The following TBCD variants were observed in gnomAD, a reference collection of about 807,000 sequenced individuals.
TBCD encodes tubulin-specific chaperone D.
Under a neutral mutation model 169.3 loss-of-function variants are expected in TBCD, and 105 were observed. The observed-to-expected ratio is 0.62, with a 90% CI of 0.53 to 0.73. The LOEUF is 0.73. Ranked by LOEUF, TBCD falls within the 30% of genes least tolerant of loss-of-function variation. The pLI is 0.00. For synonymous variants in TBCD, 700 were observed against 643.9 expected (o/e 1.09, Z -1.32); for missense variants, 1,444 against 1,600.1 (o/e 0.90, Z 1.66).
chr17:82,830,036 T>A, intron 13 of TBCD: 1 of 1,541,776 alleles, frequency 6.5e-7, no homozygotes, highest in Non-Finnish European at 8.8e-7. Flanking sequence ...AAGCAGCAGC[T>A]GCATTTGTAA....
intron 13 of TBCD, among the ~76,000 whole-genome samples, chr17:82,850,515 CTGT>C (rs1474580072): frequency 3.2e-5 from 3 of 93,772 alleles, no homozygotes; most frequent in African/African-American, 1.0e-4. Context: ...GTTGGCTGTG[CTGT>C]TGTTGGCTGT....
chr17:82,772,775 G>T (rs577631362), intron 6 of TBCD, among the ~76,000 whole-genome samples: 39 of 152,288 alleles, frequency 2.6e-4, no homozygotes, highest in African/African-American at 7.7e-4. Context: ...TGGAAGAGGC[G>T]TGGCTGTCAT....
intron 5 of TBCD, among the ~76,000 whole-genome samples, chr17:82,771,222 C>A (rs1342620599): frequency 6.6e-6 from 1 of 152,016 alleles, no homozygotes; most frequent in East Asian, 1.9e-4. Context: ...GCCTGTAATT[C>A]CAGCACTTTG....
In TBCD at chr17:82,768,585, A is replaced by G. The variant is rs1385464909; in HGVS notation, c.582+19A>G. ...AGCAGAGGTAAATATCATGCAGATA[A>G]TTAGCTGCTAATTAGTACTCACTTT... On this transcript the variant is annotated intron_variant, in intron 5 of 38. Transcript: ENST00000355528. The G allele has an allele frequency of 6.2e-7, 1 of 1,612,020 alleles. No homozygotes were observed. Among genetic ancestry groups the G allele is most frequent in the African/African-American group, 1.3e-5 (1 of 75,038 alleles).
rs540775606 is a variant in TBCD, at chr17:82,874,184, G to A, written c.1475+3804G>A. On this transcript the variant is annotated intron_variant, in intron 14 of 38. Coordinates refer to ENST00000355528, the MANE Select transcript of TBCD (RefSeq NM_005993.5). This position sits in a 1 kb window ranked among gnomAD's most constrained non-coding sequence, Gnocchi z 5.0. Reference sequence around the variant, plus strand: ...TGGGGTTGGGGTGAGTGTGACTTCTGTCTGGGGCATGTTGGGTGGGCGTGC... The same window carrying A: ...TGGGGTTGGGGTGAGTGTGACTTCTATCTGGGGCATGTTGGGTGGGCGTGC... Among the ~76,000 whole-genome samples the A allele has an allele frequency of 7.2e-5, 11 of 152,264 alleles. No homozygotes were observed. The highest frequency in any genetic ancestry group is 5.2e-4 in the Admixed American group (8 of 15,300).
At chr17:82,802,956 C>T (rs1020442774) in intron 9 of TBCD, among the ~76,000 whole-genome samples, 12 of 152,270 alleles carry the variant, frequency 7.9e-5, no homozygotes, top group Non-Finnish European at 8.8e-5. Flanking sequence ...ACATACACTT[C>T]ACGTAATTCT....
At chr17:82,799,629 A>G (rs527526328) in intron 8 of TBCD, among the ~76,000 whole-genome samples, 2 of 152,306 alleles carry the variant, frequency 1.3e-5, no homozygotes, top group African/African-American at 4.8e-5. Context: ...TGCACCGCAC[A>G]GGAGGGACAC....
chr17:82,929,359 C>G lies in TBCD; in HGVS notation c.2853-3C>G. 1 of 1,612,246 alleles carries G rather than the reference C, an allele frequency of 6.2e-7. No homozygotes were observed. The highest frequency in any genetic ancestry group is 8.5e-7 in the Non-Finnish European group (1 of 1,178,916). ...CGGCCTTGTCTCACTCACTCTCTTG[C>G]AGGTCCGATGTGGCCTCCGTGAACT... is the stretch of plus-strand genomic sequence containing the variant. On this transcript the variant is annotated splice_polypyrimidine_tract_variant and splice_region_variant and intron_variant, in intron 31 of 38. Transcript: ENST00000355528.
intron 13 of TBCD, among the ~76,000 whole-genome samples, chr17:82,857,199 T>C (rs1288984046): frequency 2.0e-5 from 3 of 152,250 alleles, no homozygotes; most frequent in Non-Finnish European, 4.4e-5. Flanking sequence ...TTTGAATTTT[T>C]CTTAATGACG....
intron 23 of TBCD, among the ~76,000 whole-genome samples, chr17:82,917,243 C>T (rs1300368613): frequency 6.6e-6 from 1 of 152,106 alleles, no homozygotes; most frequent in African/African-American, 2.4e-5. Context: ...TGGTCTCGAT[C>T]TCTTGACCTT....
At chr17:82,899,508 G>T (rs1340846636) in intron 17 of TBCD, among the ~76,000 whole-genome samples, 1 of 152,268 alleles carries the variant, frequency 6.6e-6, no homozygotes, top group East Asian at 1.9e-4. Flanking sequence ...TTGGTGAGTT[G>T]TGTGCACTGT....
intron 2 of TBCD, among the ~76,000 whole-genome samples, chr17:82,758,086 T>G (rs1367228338): frequency 2.6e-5 from 4 of 152,104 alleles, no homozygotes; most frequent in African/African-American, 7.2e-5. Flanking sequence ...GTTATTTTCT[T>G]TCTTTGCAAA....
At chr17:82,849,419 T>C (rs1386087375) in intron 13 of TBCD, among the ~76,000 whole-genome samples, 1 of 152,266 alleles carries the variant, frequency 6.6e-6, no homozygotes, top group Non-Finnish European at 1.5e-5. Flanking sequence ...GTGAAATCTT[T>C]TCCTTCAGGT....
At chr17:82,883,838 C>T (rs1287390680) in intron 14 of TBCD, among the ~76,000 whole-genome samples, 1 of 152,244 alleles carries the variant, frequency 6.6e-6, no homozygotes, top group Admixed American at 6.5e-5. Context: ...CACAGCAGGC[C>T]AGGTGCGTTC....
intron 17 of TBCD, among the ~76,000 whole-genome samples, chr17:82,898,943 A>C (rs1476813653): frequency 6.6e-6 from 1 of 152,192 alleles, no homozygotes; most frequent in Non-Finnish European, 1.5e-5. Context: ...TGGAGCTCCC[A>C]CCACTTCCAC....
chr17:82,831,630 G>C lies in TBCD; in HGVS notation c.1318+16696G>C. 2 of 1,614,190 alleles carry C rather than the reference G, an allele frequency of 1.2e-6. No homozygotes were observed. The highest frequency in any genetic ancestry group is 1.7e-6 in the Non-Finnish European group (2 of 1,180,036). Reference sequence around the variant, plus strand: ...AGTGTCTCGGGTCTTGGGTTCCGTAGACTGACAGCAGGGGTGCGTCACACT... The same window carrying C: ...AGTGTCTCGGGTCTTGGGTTCCGTACACTGACAGCAGGGGTGCGTCACACT... On this transcript the variant is annotated intron_variant, in intron 13 of 38. Transcript: ENST00000355528. The surrounding 1 kb of genome is among the most constrained non-coding windows in gnomAD (Gnocchi z 4.6).
chr17:82,793,023 A>G (rs1301642532), intron 7 of TBCD, among the ~76,000 whole-genome samples: 1 of 152,142 alleles, frequency 6.6e-6, no homozygotes, highest in South Asian at 2.1e-4. Flanking sequence ...TTGGCCTCCC[A>G]AAGCGCTCGG....
chr17:82,899,323 G>A (rs112727217), intron 17 of TBCD, among the ~76,000 whole-genome samples: 1,758 of 150,588 alleles, frequency 0.012, 27 homozygotes, highest in African/African-American at 0.04. Flanking sequence ...TCCTCAGCGC[G>A]CGCGTCCTCA....
At chr17:82,907,701 T>G (rs776971150) in intron 20 of TBCD, 60 bp from the exon 21 acceptor site, 27 of 1,590,862 alleles carry the variant, frequency 1.7e-5, no homozygotes, top group Non-Finnish European at 2.2e-5. Context: ...CTCCTCCGAG[T>G]GTACTCGGGG....
Sources: gnomAD v4.1 joint callset for allele counts (sites outside exome capture counted in the v4.1 genomes callset) on GRCh38, gnomAD v4.1.1 for gene constraint, Gnocchi (gnomAD v3.1) non-coding constraint, MANE v1.5 for transcripts, NCBI Gene and HGNC (gene_info 2026-07-23, HGNC 2026-07-21) for gene names.